Variants in BEND3 observed in about 807,000 individuals in gnomAD.
BEND3 encodes the protein BEN domain containing 3.
Under a neutral mutation model 60.1 loss-of-function variants are expected in BEND3, and 13 were observed. The observed-to-expected ratio is 0.22, with a 90% CI of 0.14 to 0.34. The LOEUF is 0.34. Ranked by LOEUF, BEND3 falls within the 10% of genes least tolerant of loss-of-function variation. The pLI is 1.00. For missense variants in BEND3, 896 were observed against 1,138.1 expected, an observed-to-expected ratio of 0.79 and a Z score of 3.06; for synonymous variants, 497 against 491.5, an observed-to-expected ratio of 1.01 and a Z score of -0.15.
rs868921146 is a variant in BEND3, at chr6:107,068,621, G to A, written c.*83C>T. On this transcript the variant is annotated 3_prime_UTR_variant, in exon 4 of 4. Transcript: ENST00000369042. This position sits in a 1 kb window ranked among gnomAD's most constrained non-coding sequence, Gnocchi z 5.8. ...GTGCCTGTCTGTGGATGCCATAGGCGTGCTCCCAAGTATTGCTCAGTCCCA... is the reference window on the plus strand; with the variant it reads ...GTGCCTGTCTGTGGATGCCATAGGCATGCTCCCAAGTATTGCTCAGTCCCA... 2.1e-4 allele frequency: 305 copies of A among 1,468,006 alleles called. 4 individuals carry two copies. The Middle Eastern group carries it at 4.5e-3, about 21-fold the overall frequency. The allele number at this position is 1,468,006 out of a possible 1,614,324, so 90.9% of individuals were successfully genotyped here. A position where few individuals can be genotyped will look rare whatever the true frequency, so the allele number is the denominator to read the frequency against.
intron 3 of BEND3, among the ~76,000 whole-genome samples, chr6:107,096,785 G>T (rs1775594548): frequency 6.6e-6 from 1 of 152,102 alleles, no homozygotes; most frequent in Admixed American, 6.6e-5. Flanking sequence ...GCATAACTCT[G>T]GGAATATACT....
chr6:107,103,242 G>A (rs1450843494), intron 1 of BEND3, among the ~76,000 whole-genome samples: 1 of 152,210 alleles, frequency 6.6e-6, no homozygotes, highest in Non-Finnish European at 1.5e-5. Context: ...TCACAGCTGG[G>A]CAGAAAGGGG....
chr6:107,071,794 T>C (rs1336122617), intron 3 of BEND3, among the ~76,000 whole-genome samples: 1 of 152,232 alleles, frequency 6.6e-6, no homozygotes, highest in Non-Finnish European at 1.5e-5. Context: ...TCCATTTGTG[T>C]ATGTACAATT....
At chr6:107,079,702 A>G (rs1159866776) in intron 3 of BEND3, among the ~76,000 whole-genome samples, 1 of 152,134 alleles carries the variant, frequency 6.6e-6, no homozygotes, top group Non-Finnish European at 1.5e-5. Context: ...CTTCCCAATC[A>G]GTCCTGATAA....
chr6:107,088,007 C>CCCT (rs1554234567), intron 3 of BEND3, among the ~76,000 whole-genome samples: 1 of 130,324 alleles, frequency 7.7e-6, no homozygotes, highest in African/African-American at 2.9e-5. Context: ...ATGAAGAGCC[C>CCCT]TTTTTTTTTT....
intron 1 of BEND3, among the ~76,000 whole-genome samples, chr6:107,101,209 A>T: frequency 6.6e-6 from 1 of 152,178 alleles, no homozygotes; most frequent in Non-Finnish European, 1.5e-5. Flanking sequence ...CTCAAAAAAA[A>T]AGAAAGAAAC....
chr6:107,089,600 A>ATCCT (rs1562309078), intron 3 of BEND3, among the ~76,000 whole-genome samples: 5 of 126,674 alleles, frequency 3.9e-5, no homozygotes, highest in Admixed American at 8.0e-5. Flanking sequence ...AAAAAAAAGG[A>ATCCT]TTTTTTTTTT....
rs1554231916 is a variant in BEND3, at chr6:107,070,729, C to T, written c.462G>A (p.Glu154=). The change falls in exon 4 of 4, where the codon GAG becomes GAA. Residue 154 remains glutamate, a synonymous_variant. Transcript: ENST00000369042. The surrounding 1 kb of genome is among the most constrained non-coding windows in gnomAD (Gnocchi z 6.9). ...PPSGDLLNVY[E]LFEKANASNS... is the part of the protein sequence containing the mutation. Reference sequence around the variant, plus strand: ...TGCTGGCGTTTGCCTTCTCAAAGAGCTCGTACACGTTTAGCAGGTCCCCCG... The same window carrying T: ...TGCTGGCGTTTGCCTTCTCAAAGAGTTCGTACACGTTTAGCAGGTCCCCCG... 2 of 1,613,968 alleles carry T rather than the reference C, an allele frequency of 1.2e-6. No homozygotes were observed. Among genetic ancestry groups the T allele is most frequent in the Non-Finnish European group, 1.7e-6 (2 of 1,180,038 alleles).
chr6:107,091,959 C>T (rs1318407520), intron 3 of BEND3, among the ~76,000 whole-genome samples: 4 of 152,094 alleles, frequency 2.6e-5, no homozygotes, highest in Non-Finnish European at 5.9e-5. Context: ...GCCAGCCTCA[C>T]ATTAAAAAAA....
rs1775657273 is a variant in BEND3 at position 107,099,302 on chromosome 6, TA to T, written c.-11-7del. The T allele has an allele frequency of 6.2e-7, 1 of 1,604,198 alleles. No homozygotes were observed. Among genetic ancestry groups the T allele is most frequent in the Non-Finnish European group, 8.5e-7 (1 of 1,172,814 alleles). ...TGAGTTCATCTTCTATTCCGCTAAATAAAAAGACAAAGACAATGTGTTGACT... is the reference window on the plus strand; with the variant it reads ...TGAGTTCATCTTCTATTCCGCTAAATAAAAGACAAAGACAATGTGTTGACT... On this transcript the variant is annotated splice_polypyrimidine_tract_variant and splice_region_variant and intron_variant, in intron 1 of 3. Coordinates refer to ENST00000369042, the MANE Select transcript of BEND3 (RefSeq NM_001367314.1).
intron 3 of BEND3, among the ~76,000 whole-genome samples, chr6:107,078,657 C>A (rs1190882548): frequency 6.6e-6 from 1 of 150,806 alleles, no homozygotes; most frequent in African/African-American, 2.4e-5. Flanking sequence ...ATGGAGCATG[C>A]CCCATGCTGC....
At chr6:107,103,250 G>C (rs1182670043) in intron 1 of BEND3, among the ~76,000 whole-genome samples, 1 of 152,208 alleles carries the variant, frequency 6.6e-6, no homozygotes, top group Non-Finnish European at 1.5e-5. Context: ...GGGCAGAAAG[G>C]GGATGGGGAG....
intron 3 of BEND3, among the ~76,000 whole-genome samples, chr6:107,078,038 C>T (rs1775135908): frequency 6.6e-6 from 1 of 152,186 alleles, no homozygotes; most frequent in South Asian, 2.1e-4. Flanking sequence ...CCAATAAAAA[C>T]TTTGGCTATG....
chr6:107,070,375 C>T lies in BEND3; in HGVS notation c.816G>A (p.Val272=). The change falls in exon 4 of 4, where the codon GTG becomes GTA. Residue 272 remains valine (V), a synonymous_variant. Coordinates refer to ENST00000369042, the MANE Select transcript of BEND3 (RefSeq NM_001367314.1). This position sits in a 1 kb window ranked among gnomAD's most constrained non-coding sequence, Gnocchi z 6.9. ...CGCTGAAGAGCTCGGGGAAGAGCTG[C>T]ACCAGCAAGCGGCAGGCCAGGTCCC... is the stretch of plus-strand genomic sequence containing the variant. ...SGGDLACRLL[V]QLFPELFSDV... 1 of 1,613,746 alleles carries T rather than the reference C, an allele frequency of 6.2e-7. No homozygotes were observed. Among genetic ancestry groups the T allele is most frequent in the Non-Finnish European group, 8.5e-7 (1 of 1,180,036 alleles).
Position 107,080,361 on chromosome 6 carries a change from A to AAAC in BEND3, c.241-9412_241-9411insGTT, listed in dbSNP as rs781972202. Reference sequence around the variant, plus strand: ...CAGAATGAGATCCCATCTCAAAAAAAAAAAAAAAAAAAAAAACAAAAAACA... The same window carrying AAAC: ...CAGAATGAGATCCCATCTCAAAAAAAAACAAAAAAAAAAAAAAAACAAAAAACA... On this transcript the variant is annotated intron_variant, in intron 3 of 3. Transcript: ENST00000369042. Among the ~76,000 whole-genome samples, 350 of 120,484 alleles carry AAAC rather than the reference A, an allele frequency of 2.9e-3. 9 individuals carry two copies. The East Asian group carries it at 0.053, about 18-fold the overall frequency. The allele number at this position is 120,484 out of a possible 152,430, so 79.0% of individuals were successfully genotyped here. A position where few individuals can be genotyped will look rare whatever the true frequency, so the allele number is the denominator to read the frequency against.
chr6:107,111,566 A>T (rs781884741), intron 1 of BEND3, among the ~76,000 whole-genome samples: 1 of 152,134 alleles, frequency 6.6e-6, no homozygotes, highest in Non-Finnish European at 1.5e-5. Context: ...ACCCCTAAAA[A>T]GATACAGAAT....
intron 3 of BEND3, among the ~76,000 whole-genome samples, chr6:107,081,262 T>C (rs1431492799): frequency 7.0e-6 from 1 of 142,810 alleles, no homozygotes; most frequent in African/African-American, 2.6e-5. Context: ...GCTCTGTCAC[T>C]CAGGCTAGAG....
At chr6:107,096,614 CATCA>C (rs1369016552) in intron 3 of BEND3, among the ~76,000 whole-genome samples, 1 of 151,944 alleles carries the variant, frequency 6.6e-6, no homozygotes, top group Non-Finnish European at 1.5e-5. Context: ...TCCATCCATC[CATCA>C]ATCAATCAAT....
At chr6:107,106,506 C>A (rs1554237526) in intron 1 of BEND3, among the ~76,000 whole-genome samples, 1 of 152,160 alleles carries the variant, frequency 6.6e-6, no homozygotes, top group African/African-American at 2.4e-5. Context: ...AGTCTGTGAC[C>A]AAGGCAGGAA....
Sources: allele counts gnomAD v4.1 joint callset (sites outside exome capture counted in the v4.1 genomes callset), GRCh38; gene constraint gnomAD v4.1.1; non-coding constraint Gnocchi (gnomAD v3.1); transcripts MANE v1.5; gene names NCBI Gene and HGNC (gene_info 2026-07-23, HGNC 2026-07-21).